MMP26: variants seen among roughly 807,000 people sequenced by gnomAD.
The protein encoded by MMP26 is matrix metalloproteinase-26.
Under a neutral mutation model 31.0 loss-of-function variants are expected in MMP26, and 33 were observed. The ratio of observed to expected loss-of-function variants is 1.06; its 90% CI spans 0.81 to 1.42. The LOEUF (loss-of-function observed/expected upper bound fraction) is 1.42. Among genes scored for constraint, MMP26 ranks in the 40% most tolerant of loss-of-function variants. The pLI is 0.00. For missense variants in MMP26, 347 were observed against 316.1 expected, an observed-to-expected ratio of 1.10 and a Z score of -0.74; for synonymous variants, 122 against 114.9, an observed-to-expected ratio of 1.06 and a Z score of -0.40.
At chr11:4,881,818 A>AATG in intron 2 of MMP26, 2 of 1,216,928 alleles carry the variant, frequency 1.6e-6, no homozygotes, top group Non-Finnish European at 1.2e-6. Context: ...TTGTATATAA[A>AATG]ATGACTAATA....
chr11:4,851,620 A>G (rs1849976564), intron 2 of MMP26, among the ~76,000 whole-genome samples: 1 of 151,912 alleles, frequency 6.6e-6, no homozygotes, highest in African/African-American at 2.4e-5. Context: ...TAAATTATAT[A>G]TATTATATAT....
rs555066841 is a variant in MMP26 at position 4,783,828 on chromosome 11, G to A, written c.-145+16487G>A. 3.2e-4 allele frequency among the ~76,000 whole-genome samples: 49 copies of A among 152,244 alleles called. 1 individual carries two copies. Among genetic ancestry groups the A allele is most frequent in the South Asian group, 6.2e-4 (3 of 4,824 alleles). ...TAAGGGGCAACCTGTTTCTCTTGGCGCTCATTCTCTCTTTGCCTGCTGCCA... is the reference window on the plus strand; with the variant it reads ...TAAGGGGCAACCTGTTTCTCTTGGCACTCATTCTCTCTTTGCCTGCTGCCA... On this transcript the variant is annotated intron_variant, in intron 2 of 7. Coordinates refer to ENST00000380390, the MANE Select transcript of MMP26 (RefSeq NM_021801.5).
In MMP26 at chr11:4,924,382, G is replaced by T. The variant is rs535542641; in HGVS notation, c.-144-63686G>T. ...CTCAGAAACCTGGAATATAGAATGA[G>T]ATTCCTGGAAAGTGACAAGGCTGAA... On this transcript the variant is annotated intron_variant, in intron 2 of 7. Coordinates refer to ENST00000380390, the MANE Select transcript of MMP26 (RefSeq NM_021801.5). 5 of 1,535,202 alleles carry T rather than the reference G, an allele frequency of 3.3e-6. No individual in the cohort carries two copies. The East Asian group carries it at 1.1e-4, about 35-fold the overall frequency.
chr11:4,987,472 G>T (rs1846920515), intron 2 of MMP26, among the ~76,000 whole-genome samples: 1 of 151,798 alleles, frequency 6.6e-6, no homozygotes, highest in Non-Finnish European at 1.5e-5. Context: ...AGGCTGGAGT[G>T]CAGTGGCGCG....
chr11:4,986,932 C>CTCTCTCTCTCTCTCTCTCT (rs1564819722), intron 2 of MMP26, among the ~76,000 whole-genome samples: 7 of 60,448 alleles, frequency 1.2e-4, no homozygotes, highest in South Asian at 6.8e-4. Context: ...TCTCTCTCTC[C>CTCTCTCTCTCTCTCTCTCT]CTCTCTCTCT....
intron 2 of MMP26, chr11:4,946,219 A>C: frequency 6.2e-7 from 1 of 1,614,070 alleles, no homozygotes; most frequent in East Asian, 2.2e-5. Flanking sequence ...TAGTTTTTAC[A>C]CAATAAACAA....
intron 2 of MMP26, chr11:4,914,547 C>CA (rs1851043492): frequency 9.1e-6 from 5 of 549,284 alleles, no homozygotes; most frequent in South Asian, 8.9e-5. Flanking sequence ...ACATTTTACC[C>CA]CCCCCTGCCC....
chr11:4,725,315 GT>G (rs1297591000), intron 1 of MMP26, among the ~76,000 whole-genome samples: 5 of 151,866 alleles, frequency 3.3e-5, no homozygotes, highest in Non-Finnish European at 7.4e-5. Flanking sequence ...ATTTGAGACT[GT>G]TTTTTTTCCT....
At chr11:4,903,383 A>G (rs777896700) in intron 2 of MMP26, among the ~76,000 whole-genome samples, 40 of 152,130 alleles carry the variant, frequency 2.6e-4, no homozygotes, top group Admixed American at 1.1e-3. Flanking sequence ...AATATTTGAT[A>G]CTTATAGATT....
chr11:4,818,592 A>G (rs1462734326), intron 2 of MMP26, among the ~76,000 whole-genome samples: 2 of 152,054 alleles, frequency 1.3e-5, no homozygotes, highest in African/African-American at 4.8e-5. Flanking sequence ...ATATTTATTT[A>G]ATTATAATCC....
chr11:4,934,988 A>G (rs1187304044), intron 2 of MMP26, among the ~76,000 whole-genome samples: 2 of 151,544 alleles, frequency 1.3e-5, no homozygotes, highest in Non-Finnish European at 3.0e-5. Context: ...GCCTTGTAGT[A>G]TAGTTTGAAG....
In MMP26 at chr11:4,942,089, CAAAAAAA is replaced by C. The variant is rs201626472; in HGVS notation, c.-144-45964_-144-45958del. 4.7e-3 allele frequency among the ~76,000 whole-genome samples: 174 copies of C among 37,130 alleles called. 3 individuals are homozygous for C. Among genetic ancestry groups the C allele is most frequent in the African/African-American group, 0.018 (161 of 8,950 alleles). The allele number at this position is 37,130 out of a possible 152,430, so 24.4% of individuals were successfully genotyped here. A position where few individuals can be genotyped will look rare whatever the true frequency, so the allele number is the denominator to read the frequency against. On this transcript the variant is annotated intron_variant, in intron 2 of 7. Transcript: ENST00000380390. ...TGGGCAGCAGAATGAGAGTCCATCTCAAAAAAAAAAAAAAAAAAAAAGGAAGTAAAAC... is the reference window on the plus strand; with the variant it reads ...TGGGCAGCAGAATGAGAGTCCATCTCAAAAAAAAAAAAAAGGAAGTAAAAC...
intron 1 of MMP26, among the ~76,000 whole-genome samples, chr11:4,743,645 C>T (rs1217223872): frequency 1.4e-4 from 21 of 152,176 alleles, no homozygotes; most frequent in Admixed American, 1.4e-3. Context: ...AATGATAAAT[C>T]ACTGTAATAT....
At chr11:4,954,076 T>G (rs1460075195) in intron 2 of MMP26, among the ~76,000 whole-genome samples, 1 of 126,042 alleles carries the variant, frequency 7.9e-6, no homozygotes, top group Non-Finnish European at 1.8e-5. Flanking sequence ...TTTATTGATT[T>G]AATTGTATTT....
chr11:4,742,941 G>T (rs928867227), intron 1 of MMP26, among the ~76,000 whole-genome samples: 2 of 151,980 alleles, frequency 1.3e-5, no homozygotes, highest in Non-Finnish European at 2.9e-5. Flanking sequence ...AATTAGAGAG[G>T]TTAAATAATT....
At chr11:4,716,613 G>A (rs1265563299) in intron 1 of MMP26, among the ~76,000 whole-genome samples, 2 of 133,072 alleles carry the variant, frequency 1.5e-5, no homozygotes, top group Non-Finnish European at 3.2e-5. Context: ...TGCTTTTGAA[G>A]CAAAGAAGAT....
intron 2 of MMP26, among the ~76,000 whole-genome samples, chr11:4,958,366 G>A (rs1846473003): frequency 1.3e-5 from 2 of 152,108 alleles, no homozygotes; most frequent in Non-Finnish European, 2.9e-5. Context: ...CTTCTTTCTA[G>A]AAGTAGTGAG....
chr11:4,785,626 A>T (rs1167145902), intron 2 of MMP26, among the ~76,000 whole-genome samples: 2 of 152,196 alleles, frequency 1.3e-5, no homozygotes, highest in Non-Finnish European at 2.9e-5. Context: ...AATTATCATT[A>T]CAAATCCTAA....
intron 2 of MMP26, chr11:4,787,139 G>C (rs999745995): frequency 6.5e-6 from 1 of 153,618 alleles, no homozygotes; most frequent in East Asian, 1.9e-4. Flanking sequence ...GTTGCCATTT[G>C]CAGACCCCTC....
Sources: gnomAD v4.1 joint callset for allele counts (sites outside exome capture counted in the v4.1 genomes callset) on GRCh38, gnomAD v4.1.1 for gene constraint, MANE v1.5 for transcripts, NCBI Gene and HGNC (gene_info 2026-07-23, HGNC 2026-07-21) for gene names.